DOCK3: variants seen among roughly 807,000 people sequenced by gnomAD.
DOCK3 encodes the protein dedicator of cytokinesis 3, also known as dedicator of cytokinesis protein 3.
In DOCK3, 60 loss-of-function variants were observed where a neutral mutation model predicts 265.6. That is an observed-to-expected ratio of 0.23 (90% CI 0.18 to 0.28). The LOEUF (loss-of-function observed/expected upper bound fraction) is 0.28, where lower values mean the gene tolerates loss of function less well. Among genes scored for constraint, DOCK3 ranks in the 10% least tolerant of loss-of-function variants. The pLI, the probability that DOCK3 is intolerant of heterozygous loss-of-function variation, is 1.00. For synonymous variants in DOCK3, 881 were observed against 938.0 expected (o/e 0.94, Z 1.11); for missense variants, 1,981 against 2,594.3 (o/e 0.76, Z 5.14).
intron 5 of DOCK3, among the ~76,000 whole-genome samples, chr3:50,991,162 C>G (rs906519961): frequency 6.6e-6 from 1 of 152,152 alleles, no homozygotes; most frequent in South Asian, 2.1e-4. Flanking sequence ...AACACACAGA[C>G]CAGTGTCATT....
At chr3:50,953,163 G>A in intron 5 of DOCK3, among the ~76,000 whole-genome samples, 1 of 151,920 alleles carries the variant, frequency 6.6e-6, no homozygotes. Context: ...TTGAAATTAA[G>A]CAGAATCAAG....
chr3:51,120,567 C>T (rs1430852699), intron 9 of DOCK3, among the ~76,000 whole-genome samples: 1 of 152,226 alleles, frequency 6.6e-6, no homozygotes, highest in African/African-American at 2.4e-5. Context: ...GCGCCCACAC[C>T]TGCCACTTCC....
intron 7 of DOCK3, among the ~76,000 whole-genome samples, chr3:51,086,113 A>G (rs1341636091): frequency 1.3e-5 from 2 of 152,246 alleles, no homozygotes; most frequent in Non-Finnish European, 2.9e-5. Flanking sequence ...CAAGCCAGTG[A>G]TAAGCATTGT....
At chr3:51,138,717 G>C (rs1020828073) in intron 9 of DOCK3, among the ~76,000 whole-genome samples, 29 of 152,190 alleles carry the variant, frequency 1.9e-4, no homozygotes, top group African/African-American at 7.0e-4. Context: ...TTCACAGAGC[G>C]TATAATGTGA....
At chr3:50,918,329 C>A (rs192169739) in intron 4 of DOCK3, among the ~76,000 whole-genome samples, 3 of 152,134 alleles carry the variant, frequency 2.0e-5, no homozygotes, top group African/African-American at 7.2e-5. Context: ...CTTGAGGAAT[C>A]GCCACACTGT....
At chr3:51,089,108 AT>A in intron 7 of DOCK3, 134 bp from the exon 8 acceptor site, 1 of 958,124 alleles carries the variant, frequency 1.0e-6, no homozygotes, top group Non-Finnish European at 1.6e-6. Flanking sequence ...AATAACACTT[AT>A]TTTACAAAGT....
chr3:50,957,711 A>G (rs1450830802), intron 5 of DOCK3, among the ~76,000 whole-genome samples: 2 of 152,236 alleles, frequency 1.3e-5, no homozygotes, highest in Non-Finnish European at 2.9e-5. Flanking sequence ...ACTGTTGAAC[A>G]CCAGCCAGAA....
Position 51,134,243 on chromosome 3 carries a change from G to A in DOCK3, c.747-12306G>A, listed in dbSNP as rs1023633357. ...GTGAATAGTGCTGCAATGAACATAT[G>A]CCTGCATGTGTCTTTATGGTAGAAT... On this transcript the variant is annotated intron_variant, in intron 9 of 52. Transcript: ENST00000266037. Among the ~76,000 whole-genome samples, 4 of 152,200 alleles carry A rather than the reference G, an allele frequency of 2.6e-5. No homozygotes were observed. In the East Asian group the frequency reaches 7.8e-4, roughly 30 times the overall value.
chr3:51,058,466 G>C (rs2081280102), intron 5 of DOCK3, among the ~76,000 whole-genome samples: 1 of 152,168 alleles, frequency 6.6e-6, no homozygotes, highest in Non-Finnish European at 1.5e-5. Context: ...TTCTTGCATA[G>C]ATAGTGTGTG....
intron 5 of DOCK3, among the ~76,000 whole-genome samples, chr3:51,034,188 C>G (rs899515722): frequency 2.6e-5 from 4 of 152,050 alleles, no homozygotes; most frequent in Non-Finnish European, 4.4e-5. Context: ...GAAAGTACAT[C>G]TCTTATAGGT....
intron 5 of DOCK3, among the ~76,000 whole-genome samples, chr3:51,048,360 G>GTACA (rs2080855290): frequency 6.6e-6 from 1 of 152,070 alleles, no homozygotes; most frequent in Non-Finnish European, 1.5e-5. Flanking sequence ...ATTCAACATG[G>GTACA]TACAGGTTGA....
intron 8 of DOCK3, among the ~76,000 whole-genome samples, chr3:51,089,495 C>T (rs1047060865): frequency 6.6e-6 from 1 of 152,124 alleles, no homozygotes; most frequent in Non-Finnish European, 1.5e-5. Context: ...CAGACTGAAA[C>T]TAAAATGAAT....
chr3:51,172,249 C>T (rs2086719119), intron 12 of DOCK3, among the ~76,000 whole-genome samples: 1 of 151,622 alleles, frequency 6.6e-6, no homozygotes, highest in South Asian at 2.1e-4. Flanking sequence ...AATCTCGACT[C>T]ACTGCAACCT....
At position 51,228,723 on chromosome 3, in the gene DOCK3, G is replaced by C; in HGVS notation, c.1710G>C (p.Glu570Asp). 2 of 1,613,960 alleles carry C rather than the reference G, an allele frequency of 1.2e-6. No homozygotes were observed. The highest frequency in any genetic ancestry group is 1.7e-6 in the Non-Finnish European group (2 of 1,179,884). ...ACCTGGGCCTGCCCTGCTGCAAAGA[G>C]GACTACAATGGCTGCCCTAATATTC... ...ALYLGLPCCK[E>D]DYNGCPNIPS... The change falls in exon 18 of 53, where the codon GAG becomes GAC. Residue 570 changes from glutamate to aspartate, a missense_variant. Glu to Asp is a conservative substitution (Grantham distance 45). Around this residue, in one of 4 missense-constraint regions of DOCK3, gnomAD observed 1,357 missense variants for 1,866.8 expected, o/e 0.73. Transcript: ENST00000266037.
chr3:50,741,964 A>G (rs1183135227), intron 1 of DOCK3, among the ~76,000 whole-genome samples: 1 of 152,114 alleles, frequency 6.6e-6, no homozygotes, highest in African/African-American at 2.4e-5. Flanking sequence ...AATGATTGCC[A>G]TTCTAACTGG....
chr3:50,833,830 A>G, intron 2 of DOCK3, among the ~76,000 whole-genome samples: 1 of 152,214 alleles, frequency 6.6e-6, no homozygotes, highest in Admixed American at 6.5e-5. Context: ...TTATGCAAAT[A>G]ACTATATTGC....
intron 1 of DOCK3, among the ~76,000 whole-genome samples, chr3:50,699,714 T>C (rs1367297517): frequency 6.6e-6 from 1 of 152,164 alleles, no homozygotes; most frequent in African/African-American, 2.4e-5. Context: ...ACAAGGTTCT[T>C]TTACTGCAGC....
chr3:51,033,670 T>C (rs1333646779), intron 5 of DOCK3, among the ~76,000 whole-genome samples: 2 of 152,188 alleles, frequency 1.3e-5, no homozygotes, highest in Non-Finnish European at 2.9e-5. Context: ...GTTGAACCAA[T>C]TGAGATATCG....
chr3:51,036,263 A>T (rs1212465412), intron 5 of DOCK3, among the ~76,000 whole-genome samples: 2 of 152,180 alleles, frequency 1.3e-5, no homozygotes, highest in Non-Finnish European at 2.9e-5. Context: ...CCCTCTGGGG[A>T]GTGGAACTCC....
Sources: allele counts gnomAD v4.1 joint callset (sites outside exome capture counted in the v4.1 genomes callset), GRCh38; gene constraint gnomAD v4.1.1; regional missense constraint gnomAD v4.1.1; transcripts MANE v1.5; gene names NCBI Gene and HGNC (gene_info 2026-07-23, HGNC 2026-07-21).